The following ZSCAN5A variants were observed in gnomAD, a reference collection of about 807,000 sequenced individuals.
ZSCAN5A encodes the protein zinc finger and SCAN domain-containing protein 5A.
In ZSCAN5A, 12 loss-of-function variants were observed where a neutral mutation model predicts 23.7. The ratio of observed to expected loss-of-function variants is 0.51; its 90% CI spans 0.32 to 0.82. ZSCAN5A has a LOEUF of 0.82. Among genes scored for constraint, ZSCAN5A ranks in the 40% least tolerant of loss-of-function variants. ZSCAN5A has a pLI of 0.03. For synonymous variants in ZSCAN5A, 257 were observed against 239.9 expected (o/e 1.07, Z -0.66); for missense variants, 597 against 617.9 (o/e 0.97, Z 0.36).
intron 2 of ZSCAN5A, chr19:56,304,739 C>T (rs1359808500): frequency 7.2e-6 from 7 of 976,088 alleles, no homozygotes; most frequent in Non-Finnish European, 8.5e-6. Flanking sequence ...GGAATTCACT[C>T]GCCTCACCCC....
At position 56,332,975 on chromosome 19, in the gene ZSCAN5A, A is replaced by C. The variant is rs2041502887; in HGVS notation, c.-357-16707T>G. 3.9e-5 allele frequency among the ~76,000 whole-genome samples: 6 copies of C among 152,316 alleles called. No homozygotes were observed. The South Asian group carries it at 1.2e-3, about 32-fold the overall frequency. On this transcript the variant is annotated intron_variant, in intron 2 of 6. Coordinates refer to the ZSCAN5A transcript ENST00000587340. ...GAATTTCTTTTCTTTCAGAATGCTG[A>C]AAATAGGCCTTCAATCCCTTCCAGC... is the stretch of plus-strand genomic sequence containing the variant.
intron 2 of ZSCAN5A, chr19:56,321,620 G>T: frequency 1.2e-6 from 1 of 839,382 alleles, no homozygotes; most frequent in Non-Finnish European, 2.1e-6. Flanking sequence ...CAGCACAATG[G>T]CAAGGTTCAT....
chr19:56,325,139 C>G (rs143763174), intron 2 of ZSCAN5A, among the ~76,000 whole-genome samples: 1 of 152,358 alleles, frequency 6.6e-6, no homozygotes, highest in East Asian at 1.9e-4. Context: ...AGATGTATAT[C>G]TTTTCCCTTC....
Position 56,225,244 on chromosome 19 carries a change from C to A in ZSCAN5A, c.-127-71G>T, listed in dbSNP as rs980427303. The A allele has an allele frequency of 2.2e-6, 3 of 1,357,056 alleles. No individual in the cohort carries two copies. The African/African-American group carries it at 4.4e-5, about 20-fold the overall frequency. 84.1% of individuals were successfully genotyped at this position (1,357,056 alleles called of 1,614,324 possible). A position where few individuals can be genotyped will look rare whatever the true frequency, so the allele number is the denominator to read the frequency against. Reference sequence around the variant, plus strand: ...ATCCATCCCTCCCTTCGAAATCCCTCATCCTGGATGCCACTTCTTCAGCAG... The same window carrying A: ...ATCCATCCCTCCCTTCGAAATCCCTAATCCTGGATGCCACTTCTTCAGCAG... On this transcript the variant is annotated intron_variant, in intron 2 of 5. Transcript: ENST00000683990.
Position 56,232,280 on chromosome 19 carries a change from A to G in ZSCAN5A, c.-127-7107T>C, listed in dbSNP as rs185359095. 1.9e-3 allele frequency among the ~76,000 whole-genome samples: 282 copies of G among 152,168 alleles called. 1 individual carries two copies. Among genetic ancestry groups the G allele is most frequent in the South Asian group, 0.013 (62 of 4,816 alleles). ...TGTCAGCCACTGTGCCCAGCCTAGTAATAGAATTTTCTAGAATTTTATATT... is the reference window on the plus strand; with the variant it reads ...TGTCAGCCACTGTGCCCAGCCTAGTGATAGAATTTTCTAGAATTTTATATT... On this transcript the variant is annotated intron_variant, in intron 2 of 5. Transcript: ENST00000683990.
At chr19:56,246,816 C>T (rs763410878) in intron 2 of ZSCAN5A, 23 of 1,610,850 alleles carry the variant, frequency 1.4e-5, no homozygotes, top group South Asian at 4.4e-5. Flanking sequence ...CTTCTGCCTG[C>T]GTTGTGGAGA....
At chr19:56,247,414 A>ACT in intron 2 of ZSCAN5A, 1 of 179,560 alleles carries the variant, frequency 5.6e-6, no homozygotes, top group Non-Finnish European at 1.2e-5. Flanking sequence ...CAAGTGTCTA[A>ACT]GAGCCTTTCG....
intron 2 of ZSCAN5A, among the ~76,000 whole-genome samples, chr19:56,329,719 C>T (rs1453803917): frequency 6.6e-6 from 1 of 152,038 alleles, no homozygotes; most frequent in Non-Finnish European, 1.5e-5. Flanking sequence ...TGATAATTTA[C>T]TTTCTCACAT....
intron 2 of ZSCAN5A, chr19:56,348,169 G>A (rs528928645): frequency 6.6e-6 from 1 of 152,382 alleles, no homozygotes; most frequent in East Asian, 1.9e-4. Flanking sequence ...TAGCACAGGA[G>A]CTCTGGATGA....
chr19:56,287,093 T>A (rs76233859), intron 2 of ZSCAN5A, among the ~76,000 whole-genome samples: 1,946 of 152,340 alleles, frequency 0.013, 45 homozygotes, highest in African/African-American at 0.044. Flanking sequence ...TTCTGGAGTC[T>A]AAAGTCTTCC....
Position 56,223,664 on chromosome 19 carries a change from G to C in ZSCAN5A, c.555C>G (p.Ile185Met), listed in dbSNP as rs2033557659. Residue 185 changes from isoleucine to methionine, a missense_variant, in exon 4 of 6, where the codon ATC (isoleucine) becomes ATG (methionine). Physicochemically the swap from Ile to Met is conservative, Grantham distance 10. This residue lies in a region of ZSCAN5A where 406 missense variants were observed against 353.2 expected (regional missense o/e 1.15). Coordinates refer to ENST00000683990, the MANE Select transcript of ZSCAN5A (RefSeq NM_001322064.3). ...GEGQAHRELQ[I>M]LPRVPALSRR... ...TGGACAATGCAGGGACCCTGGGCAG[G>C]ATCTGCAGCTCTCGGTGGGCCTGGC... 3.7e-6 allele frequency: 6 copies of C among 1,613,634 alleles called. No individual in the cohort carries two copies. The highest frequency in any genetic ancestry group is 1.3e-5 in the African/African-American group (1 of 74,802).
chr19:56,337,315 T>G lies in ZSCAN5A; in HGVS notation c.-357-21047A>C, dbSNP rs186068599. Among the ~76,000 whole-genome samples, 526 of 152,340 alleles carry G rather than the reference T, an allele frequency of 3.5e-3. 6 individuals carry two copies. Among genetic ancestry groups the G allele is most frequent in the African/African-American group, 0.012 (511 of 41,578 alleles). On this transcript the variant is annotated intron_variant, in intron 2 of 6. Transcript: ENST00000587340. ...CCCTCCCCCAGCCTCACTGCTGCCT[T>G]GCAGTTTGATCTCAGACTGCTGTGC...
At chr19:56,228,396 C>A in intron 2 of ZSCAN5A, 1 of 985,384 alleles carries the variant, frequency 1.0e-6, no homozygotes. Context: ...TGGTTTAGGG[C>A]CATAGAGTCC....
chr19:56,295,228 C>T (rs2039787350), intron 2 of ZSCAN5A: 1 of 152,070 alleles, frequency 6.6e-6, no homozygotes, highest in Non-Finnish European at 1.5e-5. Context: ...CAGAAAACAA[C>T]AACGGGTGGT....
chr19:56,296,576 T>TA (rs1204007692), intron 2 of ZSCAN5A, among the ~76,000 whole-genome samples: 1 of 151,998 alleles, frequency 6.6e-6, no homozygotes, highest in African/African-American at 2.4e-5. Context: ...TTCTAGGTGT[T>TA]AGAGATGCAG....
intron 2 of ZSCAN5A, among the ~76,000 whole-genome samples, chr19:56,262,583 C>A (rs368706793): frequency 6.6e-6 from 1 of 151,936 alleles, no homozygotes; most frequent in Non-Finnish European, 1.5e-5. Context: ...GCACCCACCA[C>A]CATGCCCGGC....
chr19:56,368,024 T>G (rs370606898), intron 1 of ZSCAN5A: 1 of 152,340 alleles, frequency 6.6e-6, no homozygotes, highest in Non-Finnish European at 1.5e-5. Context: ...GGTACTGATA[T>G]ACGCTTCAGC....
intron 2 of ZSCAN5A, among the ~76,000 whole-genome samples, chr19:56,292,451 G>GTTTTTACTTTTTTTT (rs1239554892): frequency 6.9e-6 from 1 of 144,700 alleles, no homozygotes; most frequent in South Asian, 2.2e-4. Context: ...TTTTTTGTCT[G>GTTTTTACTTTTTTTT]TTTTTACTTT....
chr19:56,283,528 C>A (rs745349168), intron 2 of ZSCAN5A: 3 of 152,172 alleles, frequency 2.0e-5, no homozygotes, highest in Non-Finnish European at 4.4e-5. Flanking sequence ...AACTACCAGA[C>A]GATTTTCAGT....
Sources: allele counts gnomAD v4.1 joint callset (sites outside exome capture counted in the v4.1 genomes callset), GRCh38; gene constraint gnomAD v4.1.1; regional missense constraint gnomAD v4.1.1; transcripts MANE v1.5; gene names NCBI Gene and HGNC (gene_info 2026-07-23, HGNC 2026-07-21).